Variants in POMT2 observed in about 807,000 individuals in gnomAD.
The protein encoded by POMT2 is protein O-mannosyltransferase 2.
A neutral mutation model predicts 100.0 loss-of-function variants in POMT2; 75 were observed. The observed-to-expected ratio is 0.75, with a 90% CI of 0.62 to 0.91. The LOEUF (loss-of-function observed/expected upper bound fraction) is 0.91. Among genes scored for constraint, POMT2 ranks in the 40% least tolerant of loss-of-function variants. The pLI, the probability that POMT2 is intolerant of heterozygous loss-of-function variation, is 0.00. For synonymous variants in POMT2, 378 were observed against 374.1 expected, an observed-to-expected ratio of 1.01 and a Z score of -0.12; for missense variants, 940 against 955.1, an observed-to-expected ratio of 0.98 and a Z score of 0.21.
At chr14:77,294,537 T>G (rs1426203657) in intron 9 of POMT2, among the ~76,000 whole-genome samples, 7 of 152,234 alleles carry the variant, frequency 4.6e-5, no homozygotes. Flanking sequence ...TTGGCCAGGC[T>G]GGTCTCAAAC....
Position 77,277,242 on chromosome 14 carries a change from A to T in POMT2, c.*134T>A. 1 of 762,674 alleles carries T rather than the reference A, an allele frequency of 1.3e-6. No individual in the cohort carries two copies. The allele number at this position is 762,674 out of a possible 1,614,324, so 47.2% of individuals were successfully genotyped here. ...GGTTCCATTCCAGCTGCACTCCCAGAGCTGGGTCCTGGTGAGCAGCAGAAT... is the reference window on the plus strand; with the variant it reads ...GGTTCCATTCCAGCTGCACTCCCAGTGCTGGGTCCTGGTGAGCAGCAGAAT... On this transcript the variant is annotated 3_prime_UTR_variant, in exon 21 of 21. Transcript: ENST00000261534.
chr14:77,295,966 G>A (rs1890813970), intron 9 of POMT2, among the ~76,000 whole-genome samples, 198 bp downstream of exon 9: 3 of 152,096 alleles, frequency 2.0e-5, no homozygotes, highest in South Asian at 4.1e-4. Context: ...ATGGAGAGGT[G>A]GGACATGGTT....
In POMT2 at chr14:77,311,948, C is replaced by T; in HGVS notation, c.333+1G>A. ...GAGCTGCTATTCACCACACTGCTCA[C>T]CTTTCCCAGGGGCGGGTGCACATCA... On this transcript the variant is annotated splice_donor_variant, in intron 2 of 20. Transcript: ENST00000261534. LOFTEE classifies it high-confidence loss of function. The T allele has an allele frequency of 6.2e-7, 1 of 1,614,062 alleles. No individual in the cohort carries two copies. The highest frequency in any genetic ancestry group is 1.6e-4 in the Middle Eastern group (1 of 6,062).
rs147739873 is a variant in POMT2 at position 77,316,493 on chromosome 14, G to C, written c.248+3941C>G. ...GGAGGCTGAGACAGGAGGAGCCCAGGAGTTTGAGGATGCAGTGAGCTATGA... is the reference window on the plus strand; with the variant it reads ...GGAGGCTGAGACAGGAGGAGCCCAGCAGTTTGAGGATGCAGTGAGCTATGA... On this transcript the variant is annotated intron_variant, in intron 1 of 20. Transcript: ENST00000261534. Among the ~76,000 whole-genome samples the C allele has an allele frequency of 2.5e-3, 373 of 150,318 alleles. 2 individuals carry two copies. Among genetic ancestry groups the C allele is most frequent in the African/African-American group, 9.0e-3 (364 of 40,632 alleles).
chr14:77,308,356 G>GTTT (rs529559494), intron 2 of POMT2, among the ~76,000 whole-genome samples: 39 of 128,440 alleles, frequency 3.0e-4, no homozygotes, highest in East Asian at 6.7e-4. Context: ...AAGTTTTTTT[G>GTTT]TTTTTTTTTT....
chr14:77,278,844 T>G lies in POMT2; in HGVS notation c.1917A>C (p.Gly639=). Residue 639 remains glycine (G), a synonymous_variant, in exon 19 of 21, where the codon GGA becomes GGC. Coordinates refer to ENST00000261534, the MANE Select transcript of POMT2 (RefSeq NM_013382.7). ...VAGLSQVLLR[G]GGQVLLGWTL... ...TCCAGCCGAGCAGGACCTGGCCGCC[T>G]CCTCGAAGCAGGACCTGGGACAACC... The G allele has an allele frequency of 1.2e-6, 2 of 1,613,366 alleles. No homozygotes were observed. Among genetic ancestry groups the G allele is most frequent in the East Asian group, 2.2e-5 (1 of 44,874 alleles).
rs146307965 is a variant in POMT2, at chr14:77,280,434, A to G, written c.1683T>C (p.Asn561=). The part of the protein sequence containing the change: ...RGNSGLKPKD[N]EFTSKPWHWP... ...AGTGCCAGGGTTTGGACGTGAACTC[A>G]TTGTCCTTGGGTTTGAGGCCACTGT... is the stretch of plus-strand genomic sequence containing the variant. Residue 561 remains asparagine, a synonymous_variant, in exon 16 of 21, where the codon AAT becomes AAC. Transcript: ENST00000261534. 1.4e-3 allele frequency: 2,276 copies of G among 1,614,104 alleles called. 6 individuals carry two copies. The highest frequency in any genetic ancestry group is 3.1e-3 in the South Asian group (281 of 91,080).
In POMT2 at chr14:77,278,542, G is replaced by C. The variant is rs1394884231; in HGVS notation, c.2033-34C>G. On this transcript the variant is annotated intron_variant, in intron 19 of 20. Coordinates refer to ENST00000261534, the MANE Select transcript of POMT2 (RefSeq NM_013382.7). ...GAGGAGAGAAACCTGGAGTCAGCCA[G>C]GCAGGGGGTGACTTCTGGGCTACAG... The C allele has an allele frequency of 2.1e-6, 3 of 1,447,690 alleles. No homozygotes were observed. The African/African-American group carries it at 4.2e-5, about 20-fold the overall frequency. 89.7% of individuals were successfully genotyped at this position (1,447,690 alleles called of 1,614,324 possible).
intron 1 of POMT2, among the ~76,000 whole-genome samples, chr14:77,313,800 C>T (rs1262729207): frequency 3.3e-5 from 5 of 152,136 alleles, no homozygotes; most frequent in African/African-American, 7.2e-5. Context: ...TTTCACCTCC[C>T]GGGTTCAAGC....
chr14:77,291,945 G>A (rs1300529257), intron 9 of POMT2, among the ~76,000 whole-genome samples: 6 of 152,074 alleles, frequency 3.9e-5, no homozygotes, highest in African/African-American at 2.4e-5. Context: ...CAGGAGAATC[G>A]CTTGAACCTA....
chr14:77,292,841 A>G (rs998624777), intron 9 of POMT2, among the ~76,000 whole-genome samples: 2 of 152,220 alleles, frequency 1.3e-5, no homozygotes, highest in African/African-American at 4.8e-5. Flanking sequence ...TTTGTAGTCT[A>G]GGAGCAATCA....
At chr14:77,296,686 C>T (rs370649211) in intron 8 of POMT2, among the ~76,000 whole-genome samples, 2 of 152,234 alleles carry the variant, frequency 1.3e-5, no homozygotes, top group African/African-American at 4.8e-5. Context: ...TCCTTTCGTG[C>T]CTTTTGAATC....
At chr14:77,315,782 C>A in intron 1 of POMT2, among the ~76,000 whole-genome samples, 1 of 152,190 alleles carries the variant, frequency 6.6e-6, no homozygotes, top group Admixed American at 6.5e-5. Context: ...GAGGCCGAGG[C>A]GGGCGGATCA....
intron 15 of POMT2, among the ~76,000 whole-genome samples, chr14:77,282,049 C>T (rs1390738153): frequency 6.6e-6 from 1 of 152,158 alleles, no homozygotes; most frequent in Non-Finnish European, 1.5e-5. Context: ...ACGGCCCCAG[C>T]GTCACTGCGG....
At chr14:77,287,512 G>GTCTCTC (rs1200327293) in intron 11 of POMT2, 2 of 94,602 alleles carry the variant, frequency 2.1e-5, no homozygotes, top group Non-Finnish European at 4.4e-5. Context: ...TTCTCTCTCT[G>GTCTCTC]TCTCTGTCTC....
At chr14:77,315,277 G>A (rs772235762) in intron 1 of POMT2, among the ~76,000 whole-genome samples, 12 of 152,162 alleles carry the variant, frequency 7.9e-5, no homozygotes, top group Non-Finnish European at 1.6e-4. Context: ...TGGGGAGGTC[G>A]TGATGCAAGC....
rs1890633305 is a variant in POMT2, at chr14:77,291,344, A to T, written c.1153T>A (p.Trp385Arg). The T allele has an allele frequency of 6.6e-7, 1 of 1,514,000 alleles. No homozygotes were observed. The highest frequency in any genetic ancestry group is 8.9e-7 in the Non-Finnish European group (1 of 1,125,734). 93.8% of individuals were successfully genotyped at this position (1,514,000 alleles called of 1,614,324 possible). ...TYLHKDYNNL[W>R]IIKKHNTNSD... ...TTTGTGTTATGTTTCTTGATAATCC[A>T]CAGGTTGTTGTAGTCCTTGTGCAAA... is the stretch of plus-strand genomic sequence containing the variant. The change falls in exon 10 of 21, where the codon TGG becomes AGG. Residue 385 changes from tryptophan (W) to arginine (R), a missense_variant. Trp to Arg is a moderately radical substitution (Grantham distance 101). Transcript: ENST00000261534.
At chr14:77,280,938 C>T (rs1440886134) in intron 15 of POMT2, among the ~76,000 whole-genome samples, 3 of 151,926 alleles carry the variant, frequency 2.0e-5, no homozygotes, top group Non-Finnish European at 4.4e-5. Context: ...CTAAAAAATA[C>T]AAAAAATTAG....
intron 2 of POMT2, among the ~76,000 whole-genome samples, chr14:77,308,356 GTTTT>G (rs529559494): frequency 1.6e-5 from 2 of 128,474 alleles, no homozygotes; most frequent in Non-Finnish European, 3.2e-5. Context: ...AAGTTTTTTT[GTTTT>G]TTTTTTTTTT....
Sources: allele counts gnomAD v4.1 joint callset (sites outside exome capture counted in the v4.1 genomes callset), GRCh38; gene constraint gnomAD v4.1.1; transcripts MANE v1.5; gene names NCBI Gene and HGNC (gene_info 2026-07-23, HGNC 2026-07-21).